The following CDH13 variants were observed in gnomAD, a reference collection of about 807,000 sequenced individuals.
The protein encoded by CDH13 is cadherin-13.
CDH13 carries 24 observed loss-of-function variants against 63.8 expected under a neutral mutation model. That is an observed-to-expected ratio of 0.38 (90% CI 0.27 to 0.53). CDH13 has a LOEUF of 0.53. Ranked by LOEUF, CDH13 falls within the 20% of genes least tolerant of loss-of-function variation. The probability of loss-of-function intolerance (pLI) is 0.85; values close to 1 mark genes in which losing one functional copy is unlikely to be tolerated. For synonymous variants in CDH13, 503 were observed against 355.3 expected (o/e 1.42, Z -4.67); for missense variants, 1,049 against 903.1 (o/e 1.16, Z -2.07).
chr16:83,044,791 A>T (rs1256598200), intron 3 of CDH13, among the ~76,000 whole-genome samples: 3 of 152,192 alleles, frequency 2.0e-5, no homozygotes, highest in Non-Finnish European at 4.4e-5. Flanking sequence ...GGCCATCCAC[A>T]GGCTTTCCCA....
chr16:82,994,701 AT>A (rs1597375351), intron 2 of CDH13, among the ~76,000 whole-genome samples: 1 of 152,220 alleles, frequency 6.6e-6, no homozygotes, highest in East Asian at 1.9e-4. Flanking sequence ...ACCAATCTCC[AT>A]TGATACCTAC....
At chr16:83,304,332 G>A (rs2089824073) in intron 5 of CDH13, among the ~76,000 whole-genome samples, 1 of 152,088 alleles carries the variant, frequency 6.6e-6, no homozygotes, top group African/African-American at 2.4e-5. Context: ...TGGAATCTTG[G>A]GAAAAAAGAC....
intron 6 of CDH13, among the ~76,000 whole-genome samples, chr16:83,406,366 G>T (rs2092044531): frequency 6.6e-6 from 1 of 152,026 alleles, no homozygotes; most frequent in Admixed American, 6.6e-5. Flanking sequence ...CTTTGTCTCA[G>T]GCTCAGCCTG....
chr16:83,733,911 A>C (rs1911285606), intron 10 of CDH13, among the ~76,000 whole-genome samples: 1 of 152,238 alleles, frequency 6.6e-6, no homozygotes, highest in Non-Finnish European at 1.5e-5. Context: ...ACTTAGGCAG[A>C]GAGCCCCCTG....
At chr16:82,868,053 G>C (rs1009465112) in intron 2 of CDH13, among the ~76,000 whole-genome samples, 2 of 152,126 alleles carry the variant, frequency 1.3e-5, no homozygotes, top group African/African-American at 4.8e-5. Flanking sequence ...TTTACTTTCA[G>C]GTTGGGAGAC....
chr16:82,733,289 C>A (rs949098901), intron 1 of CDH13, among the ~76,000 whole-genome samples: 2 of 152,088 alleles, frequency 1.3e-5, no homozygotes, highest in African/African-American at 2.4e-5. Flanking sequence ...AGTTATCAGC[C>A]CAGCAGCAGA....
intron 5 of CDH13, among the ~76,000 whole-genome samples, chr16:83,229,162 C>T (rs988172947): frequency 6.6e-6 from 1 of 152,098 alleles, no homozygotes; most frequent in African/African-American, 2.4e-5. Context: ...GGAGTGACAT[C>T]CAATTTGCAT....
intron 1 of CDH13, among the ~76,000 whole-genome samples, chr16:82,695,952 T>A (rs2030235089): frequency 6.6e-6 from 1 of 151,570 alleles, no homozygotes; most frequent in Non-Finnish European, 1.5e-5. Context: ...GCCAAATGTA[T>A]TCCTTATCTA....
intron 1 of CDH13, among the ~76,000 whole-genome samples, chr16:82,764,772 CCA>C (rs544641476): frequency 2.8e-4 from 42 of 151,614 alleles, no homozygotes; most frequent in African/African-American, 9.2e-4. Context: ...TGATGTGGAA[CCA>C]CACTCACAGA....
chr16:83,283,526 G>C (rs1848032004), intron 5 of CDH13, among the ~76,000 whole-genome samples: 1 of 152,194 alleles, frequency 6.6e-6, no homozygotes, highest in African/African-American at 2.4e-5. Flanking sequence ...AGGAGGTGGA[G>C]TTTGCAGTGA....
intron 2 of CDH13, among the ~76,000 whole-genome samples, chr16:82,970,559 C>T (rs1908585698): frequency 1.6e-5 from 2 of 126,510 alleles, no homozygotes; most frequent in African/African-American, 2.6e-5. Context: ...GCCACCGCGC[C>T]CGGCTAATTT....
At chr16:83,732,570 A>G (rs1055937883) in intron 10 of CDH13, among the ~76,000 whole-genome samples, 1 of 152,186 alleles carries the variant, frequency 6.6e-6, no homozygotes, top group African/African-American at 2.4e-5. Context: ...CTGTTTCTAC[A>G]CTAGTGCTAA....
chr16:83,622,658 G>C (rs1909920328), intron 8 of CDH13, among the ~76,000 whole-genome samples: 1 of 152,172 alleles, frequency 6.6e-6, no homozygotes, highest in South Asian at 2.1e-4. Context: ...CATTAATGAG[G>C]CTCATTTTTA....
intron 1 of CDH13, among the ~76,000 whole-genome samples, chr16:82,848,145 C>G (rs959090085): frequency 6.6e-6 from 1 of 152,174 alleles, no homozygotes; most frequent in South Asian, 2.1e-4. Flanking sequence ...TTCATTGACA[C>G]TAGTAAGGTT....
rs59677448 is a variant in CDH13, at chr16:82,896,276, A to ATTTTTTTTTTTTTTTTTTT, written c.157+37818_157+37836dup. Among the ~76,000 whole-genome samples, 57 of 87,850 alleles carry ATTTTTTTTTTTTTTTTTTT rather than the reference A, an allele frequency of 6.5e-4. 7 individuals are homozygous for ATTTTTTTTTTTTTTTTTTT. Among genetic ancestry groups the ATTTTTTTTTTTTTTTTTTT allele is most frequent in the East Asian group, 6.3e-3 (9 of 1,430 alleles). 57.6% of individuals were successfully genotyped at this position (87,850 alleles called of 152,430 possible). A position where few individuals can be genotyped will look rare whatever the true frequency, so the allele number is the denominator to read the frequency against. On this transcript the variant is annotated intron_variant, in intron 2 of 13. Coordinates refer to ENST00000567109, the MANE Select transcript of CDH13 (RefSeq NM_001257.5). ...GAGTCTTCTGAGAACTAGGATTAGG[A>ATTTTTTTTTTTTTTTTTTT]TTTTTTTTTTTTTTTTTTTTTTTTT...
intron 1 of CDH13, among the ~76,000 whole-genome samples, chr16:82,635,638 G>T (rs1908562393): frequency 6.6e-6 from 1 of 152,208 alleles, no homozygotes; most frequent in Admixed American, 6.5e-5. Context: ...GGAAAGGAAA[G>T]GCCAGTCTAG....
In CDH13 at chr16:83,217,409, A is replaced by G. The variant is rs745309450; in HGVS notation, c.548A>G (p.Glu183Gly). Residue 183 changes from glutamate (E) to glycine (G), a missense_variant, in exon 5 of 14, where the codon GAG becomes GGG. By Grantham distance (98) the Glu-to-Gly change is moderately conservative. Coordinates refer to ENST00000567109, the MANE Select transcript of CDH13 (RefSeq NM_001257.5). Reference sequence around the variant, plus strand: ...CTCACTGGAAAGGGAGTGGATCAAGAGCCTAAAGGAATTTTCAGAATCAAT... The same window carrying G: ...CTCACTGGAAAGGGAGTGGATCAAGGGCCTAAAGGAATTTTCAGAATCAAT... ...FRLTGKGVDQEPKGIFRINEN... is the reference protein window; with the variant it reads ...FRLTGKGVDQGPKGIFRINEN... The G allele has an allele frequency of 6.2e-7, 1 of 1,613,992 alleles. No homozygotes were observed. Among genetic ancestry groups the G allele is most frequent in the Non-Finnish European group, 8.5e-7 (1 of 1,179,870 alleles).
intron 6 of CDH13, among the ~76,000 whole-genome samples, chr16:83,455,274 T>C (rs938969323): frequency 1.3e-5 from 2 of 152,046 alleles, no homozygotes; most frequent in African/African-American, 4.8e-5. Flanking sequence ...GCCCAAGAGA[T>C]TCACTAACCC....
chr16:83,417,877 C>G (rs1356663940), intron 6 of CDH13, among the ~76,000 whole-genome samples: 1 of 152,136 alleles, frequency 6.6e-6, no homozygotes, highest in Non-Finnish European at 1.5e-5. Flanking sequence ...CAAAATGGTT[C>G]CAGTCAACTG....
Sources: gnomAD v4.1 joint callset for allele counts (sites outside exome capture counted in the v4.1 genomes callset) on GRCh38, gnomAD v4.1.1 for gene constraint, MANE v1.5 for transcripts, NCBI Gene and HGNC (gene_info 2026-07-23, HGNC 2026-07-21) for gene names.